SIK3: variants seen among roughly 807,000 people sequenced by gnomAD.
SIK3 encodes SIK family kinase 3.
A neutral mutation model predicts 144.2 loss-of-function variants in SIK3; 28 were observed. That is an observed-to-expected ratio of 0.19 (90% confidence interval 0.14 to 0.27). SIK3 has a LOEUF of 0.27. Among genes scored for constraint, SIK3 ranks in the 10% least tolerant of loss-of-function variants. The pLI is 1.00. For missense variants in SIK3, 1,319 were observed against 1,776.0 expected, an observed-to-expected ratio of 0.74 and a Z score of 4.62; for synonymous variants, 686 against 676.3, an observed-to-expected ratio of 1.01 and a Z score of -0.22.
In SIK3 at chr11:116,970,034, G is replaced by C. The variant is rs556634164; in HGVS notation, c.274-12970C>G. ...CTCACACCTGCAATCCCAGCACTTT[G>C]GGAGGCCAAGGTGAGATGATCGCTT... On this transcript the variant is annotated intron_variant, in intron 1 of 24. Transcript: ENST00000445177. Among the ~76,000 whole-genome samples, 8 of 152,304 alleles carry C rather than the reference G, an allele frequency of 5.3e-5. No individual in the cohort carries two copies. In the East Asian group the frequency reaches 1.5e-3, roughly 29 times the overall value.
intron 1 of SIK3, among the ~76,000 whole-genome samples, chr11:116,991,265 G>A (rs574449439): frequency 6.6e-6 from 1 of 152,300 alleles, no homozygotes; most frequent in African/African-American, 2.4e-5. Flanking sequence ...TGGCCAACAT[G>A]GCAAAACCCC....
At chr11:117,061,943 TAA>T (rs1027022867) in intron 1 of SIK3, among the ~76,000 whole-genome samples, 1 of 151,570 alleles carries the variant, frequency 6.6e-6, no homozygotes, top group African/African-American at 2.4e-5. Flanking sequence ...CATAAATAAA[TAA>T]AGAGTGTATG....
At chr11:117,090,716 A>G (rs1283155632) in intron 1 of SIK3, among the ~76,000 whole-genome samples, 1 of 152,218 alleles carries the variant, frequency 6.6e-6, no homozygotes, top group African/African-American at 2.4e-5. Context: ...TTTTCTTCAT[A>G]TCTCAGTCAT....
intron 4 of SIK3, among the ~76,000 whole-genome samples, chr11:116,905,350 C>T (rs767941623): frequency 2.6e-5 from 4 of 152,214 alleles, no homozygotes; most frequent in Non-Finnish European, 4.4e-5. Context: ...TTTATCCATT[C>T]ATCATCTGTT....
At chr11:117,008,352 T>A (rs915152218) in intron 1 of SIK3, among the ~76,000 whole-genome samples, 1 of 152,048 alleles carries the variant, frequency 6.6e-6, no homozygotes, top group Non-Finnish European at 1.5e-5. Flanking sequence ...CTTGGAAAAA[T>A]TAAGTAACTT....
chr11:117,015,818 C>G (rs985327415), intron 1 of SIK3: 6 of 152,164 alleles, frequency 3.9e-5, no homozygotes, highest in Admixed American at 6.6e-5. Context: ...ATCCGCCCAC[C>G]TCAGCCTCCC....
intron 1 of SIK3, among the ~76,000 whole-genome samples, chr11:116,994,222 G>A (rs564413844): frequency 7.6e-4 from 115 of 152,286 alleles, no homozygotes; most frequent in African/African-American, 2.7e-3. Context: ...TTTTTGAAGA[G>A]TCTGAAATGG....
chr11:116,998,381 G>C (rs536800761), intron 1 of SIK3, among the ~76,000 whole-genome samples: 2 of 150,820 alleles, frequency 1.3e-5, no homozygotes, highest in Admixed American at 1.3e-4. Context: ...TGAGGCAGGA[G>C]AATCACTTGA....
At chr11:116,876,490 T>A in intron 7 of SIK3, 127 bp from the exon 8 acceptor site, 1 of 750,204 alleles carries the variant, frequency 1.3e-6, no homozygotes, top group East Asian at 2.6e-5. Context: ...AGACAAAGTC[T>A]AAGGAAGAGA....
chr11:116,983,527 CA>C lies in SIK3; in HGVS notation c.274-26464del, dbSNP rs572270675. 9.2e-3 allele frequency among the ~76,000 whole-genome samples: 1,329 copies of C among 143,800 alleles called. 10 individuals carry two copies. Among genetic ancestry groups the C allele is most frequent in the Non-Finnish European group, 0.014 (911 of 65,406 alleles). 94.3% of individuals were successfully genotyped at this position (143,800 alleles called of 152,430 possible). On this transcript the variant is annotated intron_variant, in intron 1 of 24. Transcript: ENST00000445177. ...CCTGGGCGACACAGCAAGACTATCT[CA>C]AAAAAAAAAATTGGTCAATAATTTC...
Position 116,847,478 on chromosome 11 carries a change from T to G in SIK3, c.3950A>C (p.Glu1317Ala). Reference sequence around the variant, plus strand: ...GCCCCATGCATAAGGCTCCTCACCCTCATTTTCCCCATCCTGAAACTGCTG... The same window carrying G: ...GCCCCATGCATAAGGCTCCTCACCCGCATTTTCCCCATCCTGAAACTGCTG... ...GSQQFQDGEN[E>A]ECGASLGGHE... is the part of the protein sequence containing the mutation. Residue 1317 changes from glutamate (E) to alanine (A), a missense_variant and splice_region_variant, in exon 23 of 25, where the codon GAG becomes GCG. This residue lies in a region of SIK3 where 646 missense variants were observed against 763.7 expected (regional missense o/e 0.85). Coordinates refer to ENST00000445177, the MANE Select transcript of SIK3 (RefSeq NM_001366686.3). The G allele has an allele frequency of 6.2e-7, 1 of 1,614,134 alleles. No homozygotes were observed. The highest frequency in any genetic ancestry group is 1.1e-5 in the South Asian group (1 of 91,074).
At chr11:117,071,826 T>A (rs1158085941) in intron 1 of SIK3, among the ~76,000 whole-genome samples, 1 of 140,528 alleles carries the variant, frequency 7.1e-6, no homozygotes, top group Non-Finnish European at 1.5e-5. Context: ...AGAATCTCCC[T>A]ATGTTGACCA....
chr11:117,027,209 A>T (rs890647452), intron 1 of SIK3, among the ~76,000 whole-genome samples: 2 of 152,226 alleles, frequency 1.3e-5, no homozygotes, highest in Non-Finnish European at 2.9e-5. Context: ...TTGAAAACAC[A>T]TTAGTCATCT....
intron 1 of SIK3, among the ~76,000 whole-genome samples, chr11:116,969,195 C>G (rs921359532): frequency 2.1e-5 from 3 of 143,566 alleles, no homozygotes; most frequent in Non-Finnish European, 3.0e-5. Flanking sequence ...GAGGCTGAGG[C>G]AGAAGAATGG....
intron 1 of SIK3, among the ~76,000 whole-genome samples, chr11:117,042,345 C>T (rs906886215): frequency 3.3e-5 from 5 of 152,256 alleles, no homozygotes; most frequent in Non-Finnish European, 7.4e-5. Flanking sequence ...CGCTAGTAAA[C>T]GCAATTCGCA....
chr11:116,915,122 A>ATGTGTGTG lies in SIK3; in HGVS notation c.616+12096_616+12097insCACACACA, dbSNP rs1423283335. ...TATATCATGTTTAGTAGGAAGCCAT[A>ATGTGTGTG]TATGTGTGTGTGTGTGTGTGTGTGT... On this transcript the variant is annotated intron_variant, in intron 4 of 24. Coordinates refer to ENST00000445177, the MANE Select transcript of SIK3 (RefSeq NM_001366686.3). Among the ~76,000 whole-genome samples the ATGTGTGTG allele has an allele frequency of 1.6e-3, 156 of 100,052 alleles. 1 individual carries two copies. Among genetic ancestry groups the ATGTGTGTG allele is most frequent in the Non-Finnish European group, 1.8e-3 (94 of 52,956 alleles). The allele number at this position is 100,052 out of a possible 152,430, so 65.6% of individuals were successfully genotyped here.
chr11:117,069,137 T>G (rs1181486187), intron 1 of SIK3, among the ~76,000 whole-genome samples: 1 of 133,860 alleles, frequency 7.5e-6, no homozygotes, highest in Non-Finnish European at 1.6e-5. Flanking sequence ...GATAAAGGGG[T>G]AGGCTTGACA....
rs147907853 is a variant in SIK3 at position 116,850,175 on chromosome 11, C to T, written c.3656-892G>A. ...CTCATGGAAACCTGATTACCTCTTGCCTGGATTATTATGCTAGCCTCATAA... is the reference window on the plus strand; with the variant it reads ...CTCATGGAAACCTGATTACCTCTTGTCTGGATTATTATGCTAGCCTCATAA... On this transcript the variant is annotated intron_variant, in intron 21 of 24. Coordinates refer to ENST00000445177, the MANE Select transcript of SIK3 (RefSeq NM_001366686.3). Among the ~76,000 whole-genome samples the T allele has an allele frequency of 2.6e-5, 4 of 152,302 alleles. No individual in the cohort carries two copies. In the East Asian group the frequency reaches 7.7e-4, roughly 29 times the overall value.
intron 1 of SIK3, among the ~76,000 whole-genome samples, chr11:117,013,105 T>C (rs144984217): frequency 6.6e-6 from 1 of 152,240 alleles, no homozygotes; most frequent in Non-Finnish European, 1.5e-5. Context: ...AACTTTTTAA[T>C]CACCAAAGAT....
Sources: gnomAD v4.1 joint callset for allele counts (sites outside exome capture counted in the v4.1 genomes callset) on GRCh38, gnomAD v4.1.1 for gene constraint, gnomAD v4.1.1 regional missense constraint, MANE v1.5 for transcripts, NCBI Gene and HGNC (gene_info 2026-07-23, HGNC 2026-07-21) for gene names.